Variants in PM20D1 observed in about 807,000 individuals in gnomAD.
The protein encoded by PM20D1 is peptidase M20 domain containing 1.
PM20D1 carries 53 observed loss-of-function variants against 53.8 expected under a neutral mutation model. That is an observed-to-expected ratio of 0.98 (90% CI 0.79 to 1.24). The LOEUF (loss-of-function observed/expected upper bound fraction) is 1.24. Among genes scored for constraint, PM20D1 ranks in the 50% most tolerant of loss-of-function variants. PM20D1 has a pLI of 0.00. For missense variants in PM20D1, 564 were observed against 616.8 expected (o/e 0.91, Z 0.91); for synonymous variants, 239 against 241.3 (o/e 0.99, Z 0.09).
intron 9 of PM20D1, 54 bp from the exon 10 acceptor site, chr1:205,840,377 C>T (rs957428424): frequency 3.9e-6 from 6 of 1,522,192 alleles, no homozygotes; most frequent in Admixed American, 3.5e-5. Flanking sequence ...TCTTCTACAT[C>T]TGCCTGCCCA....
At chr1:205,840,349 G>C (rs1268868042) in intron 9 of PM20D1, 26 bp from the exon 10 acceptor site, 1 of 1,602,840 alleles carries the variant, frequency 6.2e-7, no homozygotes, top group South Asian at 1.1e-5. Context: ...CAAAACCCTG[G>C]CTTGAGTCAA....
intron 10 of PM20D1, among the ~76,000 whole-genome samples, chr1:205,834,509 G>C (rs928935318): frequency 6.6e-6 from 1 of 152,146 alleles, no homozygotes; most frequent in African/African-American, 2.4e-5. Context: ...GTCTGGAGAG[G>C]AAGTGAAGGT....
intron 10 of PM20D1, 27 bp from the exon 11 acceptor site, chr1:205,832,793 G>A (rs368387021): frequency 4.6e-6 from 7 of 1,533,246 alleles, no homozygotes; most frequent in Admixed American, 4.2e-5. Context: ...AAGGGGGTTC[G>A]ATTTCTTATT....
intron 11 of PM20D1, among the ~76,000 whole-genome samples, chr1:205,832,248 C>T (rs879555312): frequency 6.6e-6 from 1 of 152,190 alleles, no homozygotes; most frequent in Non-Finnish European, 1.5e-5. Context: ...TCCTGCTGAG[C>T]TGTTATCCTA....
At chr1:205,838,015 A>G (rs774412365) in intron 10 of PM20D1, among the ~76,000 whole-genome samples, 1 of 151,862 alleles carries the variant, frequency 6.6e-6, no homozygotes, top group Admixed American at 6.6e-5. Context: ...AACCCCCTCA[A>G]TGCTGGGTGG....
intron 10 of PM20D1, among the ~76,000 whole-genome samples, chr1:205,835,688 C>T (rs1049611515): frequency 1.2e-4 from 16 of 139,088 alleles, no homozygotes; most frequent in African/African-American, 4.0e-4. Flanking sequence ...GTGTAATGTG[C>T]GTAGGGCAGT....
chr1:205,843,410 C>T (rs985544212), intron 6 of PM20D1, among the ~76,000 whole-genome samples: 2 of 152,174 alleles, frequency 1.3e-5, no homozygotes, highest in Admixed American at 6.5e-5. Flanking sequence ...ATTCTCACTC[C>T]ATTTGAGATG....
At chr1:205,846,894 T>C (rs1656999806) in intron 2 of PM20D1, among the ~76,000 whole-genome samples, 1 of 152,046 alleles carries the variant, frequency 6.6e-6, no homozygotes, top group South Asian at 2.1e-4. Flanking sequence ...TTTCCTTTCC[T>C]ATGTTTGTCT....
chr1:205,838,919 C>T (rs980717635), intron 10 of PM20D1, among the ~76,000 whole-genome samples: 2 of 152,180 alleles, frequency 1.3e-5, no homozygotes, highest in African/African-American at 4.8e-5. Flanking sequence ...CTCTCTTCTC[C>T]ACCCCACGAG....
Position 205,828,559 on chromosome 1 carries a change from T to TC in PM20D1, c.*60dup. On this transcript the variant is annotated 3_prime_UTR_variant, in exon 13 of 13. Coordinates refer to ENST00000367136, the MANE Select transcript of PM20D1 (RefSeq NM_152491.5). The stretch of plus-strand genomic sequence containing the variant: ...TCAAAAGTTTCATCAACACTAGCTT[T>TC]CCCCCTTGGGTTAGTCCTGTCCCGG... 1 of 1,597,780 alleles carries TC rather than the reference T, an allele frequency of 6.3e-7. No individual in the cohort carries two copies. Among genetic ancestry groups the TC allele is most frequent in the Non-Finnish European group, 8.5e-7 (1 of 1,172,300 alleles).
At chr1:205,846,574 C>G (rs1281983970) in intron 2 of PM20D1, among the ~76,000 whole-genome samples, 1 of 151,984 alleles carries the variant, frequency 6.6e-6, no homozygotes, top group African/African-American at 2.4e-5. Context: ...CCTCATTAAC[C>G]AAATTATATT....
intron 10 of PM20D1, among the ~76,000 whole-genome samples, chr1:205,839,197 C>T (rs1216697815): frequency 1.3e-5 from 2 of 152,192 alleles, no homozygotes; most frequent in African/African-American, 4.8e-5. Context: ...TACTTGTCCC[C>T]AGTTTATTCT....
intron 3 of PM20D1, 96 bp from the exon 4 acceptor site, chr1:205,844,993 G>T (rs890174024): frequency 2.9e-6 from 3 of 1,028,944 alleles, no homozygotes; most frequent in Non-Finnish European, 4.4e-6. Flanking sequence ...ATCAGGGCTG[G>T]TGGGATGAGG....
chr1:205,842,220 G>A lies in PM20D1; in HGVS notation c.904-5C>T. ...TATATTGACAGGGAAGGGAAACTGG[G>A]AAAGAACAAGGTCAGCACCACAGGG... On this transcript the variant is annotated splice_region_variant and splice_polypyrimidine_tract_variant and intron_variant, in intron 7 of 12. Transcript: ENST00000367136. The A allele has an allele frequency of 6.2e-7, 1 of 1,611,984 alleles. No homozygotes were observed. The highest frequency in any genetic ancestry group is 8.5e-7 in the Non-Finnish European group (1 of 1,178,086).
At chr1:205,845,295 C>T (rs1415275305) in intron 3 of PM20D1, 30 bp downstream of exon 3, 1 of 1,603,544 alleles carries the variant, frequency 6.2e-7, no homozygotes, top group South Asian at 1.1e-5. Context: ...CTTTAGGGCC[C>T]CAAGGCAGAG....
intron 10 of PM20D1, among the ~76,000 whole-genome samples, chr1:205,837,396 C>T (rs1656706521): frequency 6.6e-6 from 1 of 152,218 alleles, no homozygotes; most frequent in Non-Finnish European, 1.5e-5. Flanking sequence ...CCTTCAGGCC[C>T]ATTCAGGACA....
In PM20D1 at chr1:205,828,364, A is replaced by T. The variant is rs1656486392; in HGVS notation, c.*256T>A. ...GTGAAGCAGTGAAATAACCAGCATA[A>T]GACAGATAAGGGACAAGAGGGCAGC... On this transcript the variant is annotated 3_prime_UTR_variant, in exon 13 of 13. Transcript: ENST00000367136. 5 of 416,366 alleles carry T rather than the reference A, an allele frequency of 1.2e-5. No individual in the cohort carries two copies. Among genetic ancestry groups the T allele is most frequent in the South Asian group, 1.1e-4 (4 of 35,068 alleles). 25.8% of individuals were successfully genotyped at this position (416,366 alleles called of 1,614,324 possible).
intron 4 of PM20D1, 124 bp from the exon 5 acceptor site, chr1:205,844,341 G>A: frequency 1.7e-6 from 2 of 1,176,678 alleles, no homozygotes; most frequent in East Asian, 5.1e-5. Context: ...TCTCCTTCCT[G>A]GGAGCCAGGG....
At chr1:205,837,994 C>G (rs371864403) in intron 10 of PM20D1, among the ~76,000 whole-genome samples, 2 of 152,078 alleles carry the variant, frequency 1.3e-5, no homozygotes, top group Admixed American at 6.5e-5. Flanking sequence ...CTAACTACCC[C>G]CCACTCCCCC....
Sources: allele counts gnomAD v4.1 joint callset (sites outside exome capture counted in the v4.1 genomes callset), GRCh38; gene constraint gnomAD v4.1.1; transcripts MANE v1.5; gene names NCBI Gene and HGNC (gene_info 2026-07-23, HGNC 2026-07-21).